The following HMGCLL1 variants were observed in gnomAD, a reference collection of about 807,000 sequenced individuals.
HMGCLL1 encodes the protein 3-hydroxy-3-methylglutaryl-CoA lyase like 1, also known as 3-hydroxymethyl-3-methylglutaryl-CoA lyase, cytoplasmic.
HMGCLL1 carries 36 observed loss-of-function variants against 39.1 expected under a neutral mutation model. The observed-to-expected ratio is 0.92, with a 90% CI of 0.71 to 1.22. HMGCLL1 has a LOEUF of 1.22. HMGCLL1 is among the 50% of genes most tolerant of loss of function. The pLI, the probability that HMGCLL1 is intolerant of heterozygous loss-of-function variation, is 0.00. For synonymous variants in HMGCLL1, 149 were observed against 144.0 expected, an observed-to-expected ratio of 1.03 and a Z score of -0.25; for missense variants, 451 against 416.5, an observed-to-expected ratio of 1.08 and a Z score of -0.72.
At chr6:55,663,185 T>G in the HMGCLL1 span, among the ~76,000 whole-genome samples, 1 of 151,634 alleles carries the variant, frequency 6.6e-6, no homozygotes, top group African/African-American at 2.4e-5. Flanking sequence ...TCAATCTCCT[T>G]CAGTTCCGCT....
At chr6:55,619,262 A>T in the HMGCLL1 span, among the ~76,000 whole-genome samples, 2 of 152,112 alleles carry the variant, frequency 1.3e-5, no homozygotes, top group Non-Finnish European at 2.9e-5. Flanking sequence ...ATACATGTGA[A>T]ATTGTAGTGA....
At chr6:55,517,113 A>C (rs927261754) in intron 3 of HMGCLL1, among the ~76,000 whole-genome samples, 1 of 152,098 alleles carries the variant, frequency 6.6e-6, no homozygotes, top group Non-Finnish European at 1.5e-5. Flanking sequence ...TTGGTGCTTT[A>C]GTTAGTAATA....
intron 5 of HMGCLL1, chr6:55,513,292 T>G (rs532694670): frequency 1.3e-5 from 2 of 152,302 alleles, no homozygotes; most frequent in South Asian, 4.1e-4. Flanking sequence ...GGTCAGTTTT[T>G]ATTTTCCATG....
the HMGCLL1 span, among the ~76,000 whole-genome samples, chr6:55,657,016 T>C: frequency 1.3e-5 from 2 of 152,002 alleles, no homozygotes; most frequent in Non-Finnish European, 2.9e-5. Context: ...AAGTGTAGGA[T>C]GTACTTTGCC....
chr6:55,605,028 C>A, the HMGCLL1 span, among the ~76,000 whole-genome samples: 1 of 152,188 alleles, frequency 6.6e-6, no homozygotes, highest in African/African-American at 2.4e-5. Context: ...ACATGGAGAT[C>A]TGCTGTTCAG....
At chr6:55,492,009 G>T (rs535609779) in intron 7 of HMGCLL1, among the ~76,000 whole-genome samples, 4 of 152,120 alleles carry the variant, frequency 2.6e-5, no homozygotes, top group African/African-American at 9.6e-5. Flanking sequence ...TTTCCAGACT[G>T]AGGGGGACGT....
chr6:55,602,051 G>A, the HMGCLL1 span, among the ~76,000 whole-genome samples: 1 of 151,786 alleles, frequency 6.6e-6, no homozygotes, highest in Non-Finnish European at 1.5e-5. Context: ...TTGATAAAAT[G>A]CCCCGTTATC....
the HMGCLL1 span, among the ~76,000 whole-genome samples, chr6:55,609,324 G>A: frequency 6.6e-6 from 1 of 152,104 alleles, no homozygotes; most frequent in African/African-American, 2.4e-5. Flanking sequence ...TGTATCTCAA[G>A]GATGCACTTT....
At chr6:55,489,510 G>T (rs1283498041) in intron 7 of HMGCLL1, among the ~76,000 whole-genome samples, 1 of 151,834 alleles carries the variant, frequency 6.6e-6, no homozygotes, top group Non-Finnish European at 1.5e-5. Context: ...GAAACTAATA[G>T]TATTAATAGA....
chr6:55,666,061 A>T, the HMGCLL1 span, among the ~76,000 whole-genome samples: 8 of 151,718 alleles, frequency 5.3e-5, no homozygotes, highest in African/African-American at 1.7e-4. Context: ...GAGGCAGAGG[A>T]AAGGAATCCC....
chr6:55,617,060 C>T, the HMGCLL1 span, among the ~76,000 whole-genome samples: 150 of 152,052 alleles, frequency 9.9e-4, no homozygotes, highest in African/African-American at 3.3e-3. Context: ...TTTACTTTCA[C>T]GGGTATGTGT....
intron 1 of HMGCLL1, among the ~76,000 whole-genome samples, chr6:55,555,742 C>T (rs1770619511): frequency 6.6e-6 from 1 of 152,154 alleles, no homozygotes; most frequent in Non-Finnish European, 1.5e-5. Flanking sequence ...CTGGGGAAGA[C>T]AAATAGAATC....
the HMGCLL1 span, among the ~76,000 whole-genome samples, chr6:55,663,752 T>C: frequency 3.3e-5 from 5 of 151,734 alleles, no homozygotes. Context: ...CTCAGTGAGA[T>C]CTACTACTGT....
chr6:55,495,599 C>T lies in HMGCLL1; in HGVS notation c.615G>A (p.Lys205=). 6.3e-7 allele frequency: 1 copy of T among 1,594,744 alleles called. No individual in the cohort carries two copies. The highest frequency in any genetic ancestry group is 1.3e-5 in the African/African-American group (1 of 74,174). ...CATAACAACCCATGCCGTACAATCT[C>T]TTAGACACCTGTTGATAAAGGTGAA... ...ITPQKVTEVS[K]RLYGMGCYEI... Residue 205 remains lysine (K), a synonymous_variant, in exon 7 of 9, where the codon AAG becomes AAA. Transcript: ENST00000274901.
chr6:55,567,525 T>G (rs2127474166), intron 1 of HMGCLL1, among the ~76,000 whole-genome samples: 1 of 152,252 alleles, frequency 6.6e-6, no homozygotes, highest in African/African-American at 2.4e-5. Context: ...CACATCCACC[T>G]TCACCACAAA....
At chr6:55,528,435 T>C (rs1768442556) in intron 3 of HMGCLL1, among the ~76,000 whole-genome samples, 1 of 151,924 alleles carries the variant, frequency 6.6e-6, no homozygotes, top group Admixed American at 6.6e-5. Context: ...CAACCCTGGG[T>C]GAAAATGCTG....
intron 7 of HMGCLL1, among the ~76,000 whole-genome samples, chr6:55,467,624 T>G (rs571729710): frequency 6.6e-6 from 1 of 152,156 alleles, no homozygotes; most frequent in African/African-American, 2.4e-5. Flanking sequence ...TGGCATCGAG[T>G]AATCATCTAC....
the HMGCLL1 span, among the ~76,000 whole-genome samples, chr6:55,607,284 G>A: frequency 0.013 from 2,031 of 152,268 alleles, 50 homozygotes; most frequent in African/African-American, 0.047. Flanking sequence ...TGAGCATTAA[G>A]TAGCTCTCAA....
chr6:55,509,839 A>G (rs1015604181), intron 5 of HMGCLL1, among the ~76,000 whole-genome samples: 4 of 151,958 alleles, frequency 2.6e-5, no homozygotes, highest in Admixed American at 1.3e-4. Flanking sequence ...CATAAGAAGA[A>G]AGTCAATAGT....
Sources: gnomAD v4.1 joint callset for allele counts (sites outside exome capture counted in the v4.1 genomes callset) on GRCh38, gnomAD v4.1.1 for gene constraint, MANE v1.5 for transcripts, NCBI Gene and HGNC (gene_info 2026-07-23, HGNC 2026-07-21) for gene names.